The following NDST1 variants were observed in gnomAD, a reference collection of about 807,000 sequenced individuals.
The protein encoded by NDST1 is bifunctional heparan sulfate N-deacetylase/N-sulfotransferase 1.
Under a neutral mutation model 92.8 loss-of-function variants are expected in NDST1, and 35 were observed. That is an observed-to-expected ratio of 0.38 (90% CI 0.29 to 0.50). The LOEUF (loss-of-function observed/expected upper bound fraction) is 0.50, where lower values mean the gene tolerates loss of function less well. Among genes scored for constraint, NDST1 ranks in the 20% least tolerant of loss-of-function variants. The probability of loss-of-function intolerance (pLI) is 0.94; values close to 1 mark genes in which losing one functional copy is unlikely to be tolerated. For missense variants in NDST1, 822 were observed against 1,182.7 expected (o/e 0.69, Z 4.47); for synonymous variants, 493 against 500.3 (o/e 0.99, Z 0.19).
chr5:150,517,003 G>C (rs1232810936), intron 1 of NDST1, among the ~76,000 whole-genome samples: 1 of 151,638 alleles, frequency 6.6e-6, no homozygotes, highest in African/African-American at 2.4e-5. Context: ...GTGTGTGTGT[G>C]TGTGTGTGTG....
Position 150,553,220 on chromosome 5 carries a change from C to T in NDST1, c.2537C>T (p.Ala846Val). The stretch of plus-strand genomic sequence containing the variant: ...CTTTCCTTCCCGTTACAGTCCCGAG[C>T]CTTCCTGAAGGACTATTACCGGGAC... Reference protein sequence around the residue: ...KYPEMDLDSRAFLKDYYRDHN... With the variant: ...KYPEMDLDSRVFLKDYYRDHN... The change falls in exon 15 of 15, where the codon GCC becomes GTC. Residue 846 changes from alanine (A) to valine (V), a missense_variant. Coordinates refer to ENST00000261797, the MANE Select transcript of NDST1 (RefSeq NM_001543.5). The surrounding 1 kb of genome is among the most constrained non-coding windows in gnomAD (Gnocchi z 4.2). 1 of 1,613,214 alleles carries T rather than the reference C, an allele frequency of 6.2e-7. No homozygotes were observed. The highest frequency in any genetic ancestry group is 1.1e-5 in the South Asian group (1 of 91,066).
Position 150,549,709 on chromosome 5 carries a change from C to T in NDST1, c.2348C>T (p.Thr783Ile). 6.2e-7 allele frequency: 1 copy of T among 1,614,012 alleles called. No individual in the cohort carries two copies. The highest frequency in any genetic ancestry group is 1.1e-5 in the South Asian group (1 of 91,070). The change falls in exon 13 of 15, where the codon ACA becomes ATA. Residue 783 changes from threonine to isoleucine, a missense_variant. Physicochemically the swap from Thr to Ile is moderately conservative, Grantham distance 89. Coordinates refer to ENST00000261797, the MANE Select transcript of NDST1 (RefSeq NM_001543.5). ...GTCTTGGATGGCAAACTGCTTCGCA[C>T]AGAACCTGCCAAAGTGATGGACATG... ...ILVLDGKLLR[T>I]EPAKVMDMVQ...
intron 1 of NDST1, among the ~76,000 whole-genome samples, chr5:150,511,378 G>T (rs1383562462): frequency 6.6e-6 from 1 of 152,168 alleles, no homozygotes; most frequent in Admixed American, 6.5e-5. Flanking sequence ...GATACCTGGT[G>T]TTGCGTGGTG....
intron 6 of NDST1, among the ~76,000 whole-genome samples, 158 bp from the exon 7 acceptor site, chr5:150,539,070 A>T (rs1243200122): frequency 6.6e-6 from 1 of 152,180 alleles, no homozygotes; most frequent in Non-Finnish European, 1.5e-5. Flanking sequence ...ACTGGGGGGA[A>T]CGCTGTGCTG....
chr5:150,535,950 A>T lies in NDST1; in HGVS notation c.1437+65A>T, dbSNP rs116823107. ...AGAGCACAGTCTGTCATGTGTGTGC[A>T]TACGCTGTCCTGGTAAGCACGGCTC... On this transcript the variant is annotated intron_variant, in intron 6 of 14. Transcript: ENST00000261797. The T allele has an allele frequency of 7.1e-4, 1,086 of 1,530,234 alleles. 1 individual carries two copies. Among genetic ancestry groups the T allele is most frequent in the Non-Finnish European group, 9.1e-4 (1,022 of 1,123,906 alleles). 94.8% of individuals were successfully genotyped at this position (1,530,234 alleles called of 1,614,324 possible).
chr5:150,551,044 C>T (rs2151305407), intron 13 of NDST1: 1 of 157,338 alleles, frequency 6.4e-6, no homozygotes, highest in African/African-American at 2.4e-5. Flanking sequence ...TCTCTGTTCT[C>T]CTTCGCTATT....
rs181388279 is a variant in NDST1, at chr5:150,556,886, C to G, written c.*3554C>G. The stretch of plus-strand genomic sequence containing the variant: ...TTTTCTAACTATGTTTTTAAAACCT[C>G]TTTGAATGCTGAAAGGTCTTCCCTC... On this transcript the variant is annotated 3_prime_UTR_variant, in exon 15 of 15. Coordinates refer to ENST00000261797, the MANE Select transcript of NDST1 (RefSeq NM_001543.5). The G allele has an allele frequency of 6.5e-6, 1 of 152,768 alleles. No individual in the cohort carries two copies. Among genetic ancestry groups the G allele is most frequent in the East Asian group, 1.9e-4 (1 of 5,190 alleles). The allele number at this position is 152,768 out of a possible 1,614,324, so 9.5% of individuals were successfully genotyped here.
upstream of NDST1, among the ~76,000 whole-genome samples, chr5:150,503,596 T>C (rs141681674): frequency 0.013 from 1,993 of 152,236 alleles, 26 homozygotes; most frequent in Non-Finnish European, 0.022. Flanking sequence ...TGGGAGGTTA[T>C]TGAATAGGAG....
chr5:150,535,572 A>G (rs1267099452), intron 5 of NDST1, 128 bp from the exon 6 acceptor site: 1 of 1,271,846 alleles, frequency 7.9e-7, no homozygotes, highest in Non-Finnish European at 1.1e-6. Context: ...CCATCTTACC[A>G]TGAAGTCTCA....
chr5:150,518,217 C>T (rs566428412), intron 1 of NDST1, among the ~76,000 whole-genome samples: 1 of 147,664 alleles, frequency 6.8e-6, no homozygotes, highest in African/African-American at 2.4e-5. Flanking sequence ...CTTAGGTACC[C>T]TTCCTCCAGG....
chr5:150,551,784 C>T lies in NDST1; in HGVS notation c.2458C>T (p.Leu820=). Residue 820 remains leucine (L), a synonymous_variant, in exon 14 of 15, where the codon CTG becomes TTG. Coordinates refer to ENST00000261797, the MANE Select transcript of NDST1 (RefSeq NM_001543.5). Reference sequence around the variant, plus strand: ...TCCAAAGAAAGGATTTTGGTGCCAACTGCTTGAAGGAGGAAAAACCAAGTG... The same window carrying T: ...TCCAAAGAAAGGATTTTGGTGCCAATTGCTTGAAGGAGGAAAAACCAAGTG... ...FDPKKGFWCQ[L]LEGGKTKCLG... The T allele has an allele frequency of 6.2e-7, 1 of 1,613,628 alleles. No individual in the cohort carries two copies. The highest frequency in any genetic ancestry group is 1.3e-5 in the African/African-American group (1 of 75,034).
At chr5:150,512,052 G>A (rs1471143051) in intron 1 of NDST1, among the ~76,000 whole-genome samples, 3 of 152,036 alleles carry the variant, frequency 2.0e-5, no homozygotes, top group Admixed American at 2.0e-4. Context: ...CCCCAGGCCT[G>A]CAGCCACTGC....
intron 1 of NDST1, among the ~76,000 whole-genome samples, chr5:150,517,478 G>A (rs1754030714): frequency 1.3e-5 from 2 of 152,068 alleles, no homozygotes; most frequent in Admixed American, 1.3e-4. Context: ...ACCCTGCATT[G>A]ACACATCCTT....
chr5:150,502,590 T>G (rs1753284305), intron 1 of NDST1, among the ~76,000 whole-genome samples: 1 of 151,476 alleles, frequency 6.6e-6, no homozygotes, highest in Non-Finnish European at 1.5e-5. Flanking sequence ...GCAACAGGGG[T>G]TGTGTGAGGG....
At chr5:150,526,453 C>CT (rs1754481744) in intron 2 of NDST1, among the ~76,000 whole-genome samples, 1 of 152,134 alleles carries the variant, frequency 6.6e-6, no homozygotes, top group Non-Finnish European at 1.5e-5. Flanking sequence ...CTATCTATGC[C>CT]AGGTACTAGA....
At chr5:150,510,462 T>G (rs1265145659) in intron 1 of NDST1, among the ~76,000 whole-genome samples, 4 of 152,242 alleles carry the variant, frequency 2.6e-5, no homozygotes, top group Admixed American at 6.5e-5. Flanking sequence ...GTGATGGACC[T>G]GACAGCCTTG....
intron 1 of NDST1, among the ~76,000 whole-genome samples, chr5:150,509,340 C>T (rs1040052633): frequency 3.9e-5 from 6 of 152,164 alleles, no homozygotes; most frequent in African/African-American, 1.4e-4. Context: ...GCATAAATGA[C>T]AAATAAATGA....
intron 2 of NDST1, among the ~76,000 whole-genome samples, chr5:150,524,167 C>T (rs1754366157): frequency 6.6e-6 from 1 of 152,200 alleles, no homozygotes; most frequent in Non-Finnish European, 1.5e-5. Flanking sequence ...GGGTAAAATG[C>T]TCAACTCATC....
chr5:150,551,718 C>A (rs772165762), intron 13 of NDST1, 35 bp from the exon 14 acceptor site: 5 of 1,608,150 alleles, frequency 3.1e-6, no homozygotes, highest in Non-Finnish European at 4.3e-6. Flanking sequence ...GGTGGCTGAG[C>A]CAGCTCCCAT....
Sources: allele counts gnomAD v4.1 joint callset (sites outside exome capture counted in the v4.1 genomes callset), GRCh38; gene constraint gnomAD v4.1.1; non-coding constraint Gnocchi (gnomAD v3.1); transcripts MANE v1.5; gene names NCBI Gene and HGNC (gene_info 2026-07-23, HGNC 2026-07-21).